Variants in KIAA0753 observed in about 807,000 individuals in gnomAD.
The protein encoded by KIAA0753 is protein moonraker.
Under a neutral mutation model 116.9 loss-of-function variants are expected in KIAA0753, and 114 were observed. That is an observed-to-expected ratio of 0.98 (90% CI 0.84 to 1.14). The LOEUF is 1.14. KIAA0753 is among the 50% of genes most tolerant of loss of function. The probability of loss-of-function intolerance (pLI) is 0.00; values close to 1 mark genes in which losing one functional copy is unlikely to be tolerated. For synonymous variants in KIAA0753, 405 were observed against 413.1 expected (o/e 0.98, Z 0.24); for missense variants, 1,156 against 1,172.4 (o/e 0.99, Z 0.20).
chr17:6,612,921 A>G lies in KIAA0753; in HGVS notation c.1316-773T>C, dbSNP rs1209234928. 5.3e-5 allele frequency among the ~76,000 whole-genome samples: 8 copies of G among 152,178 alleles called. No homozygotes were observed. In the East Asian group the frequency reaches 1.3e-3, roughly 26 times the overall value. ...ACATAAATAAATAAATGTCACTTCT[A>G]TACTCAAACCCTTCAATGGGTCCTA... On this transcript the variant is annotated intron_variant, in intron 7 of 18. Transcript: ENST00000361413.
intron 7 of KIAA0753, among the ~76,000 whole-genome samples, chr17:6,619,281 G>A (rs879878107): frequency 4.6e-5 from 7 of 152,064 alleles, no homozygotes; most frequent in African/African-American, 7.2e-5. Flanking sequence ...GATAAACATT[G>A]GAAGGGGTAA....
intron 4 of KIAA0753, chr17:6,624,148 T>C (rs1044073611): frequency 1.3e-5 from 2 of 152,554 alleles, no homozygotes; most frequent in African/African-American, 4.8e-5. Context: ...CTTACTAATG[T>C]ATAAGGCATG....
chr17:6,617,791 C>T (rs575487805), intron 7 of KIAA0753, among the ~76,000 whole-genome samples: 1 of 152,312 alleles, frequency 6.6e-6, no homozygotes, highest in South Asian at 2.1e-4. Flanking sequence ...CATGCCTATG[C>T]GATGAAGCCT....
rs149439809 is a variant in KIAA0753, at chr17:6,592,232, C to A, written c.2441-1602G>T. ...ACACATTAGTGTTTTGTTGAGATGG[C>A]CCATCTTTTGGTCAAAATTTGAGAG... On this transcript the variant is annotated intron_variant, in intron 16 of 18. Coordinates refer to ENST00000361413, the MANE Select transcript of KIAA0753 (RefSeq NM_014804.3). 1.1e-3 allele frequency among the ~76,000 whole-genome samples: 175 copies of A among 152,268 alleles called. 1 individual carries two copies. The highest frequency in any genetic ancestry group is 4.0e-3 in the African/African-American group (168 of 41,554).
intron 8 of KIAA0753, among the ~76,000 whole-genome samples, chr17:6,611,115 T>A (rs1970510046): frequency 6.6e-6 from 1 of 152,222 alleles, no homozygotes; most frequent in East Asian, 1.9e-4. Context: ...CAGGAGGTGG[T>A]CTTTTGGCCA....
intron 11 of KIAA0753, 88 bp from the exon 12 acceptor site, chr17:6,607,050 T>A: frequency 6.9e-7 from 1 of 1,442,168 alleles, no homozygotes; most frequent in Non-Finnish European, 9.7e-7. Context: ...CCCCCTTGGC[T>A]TCTTAAGTGA....
Position 6,579,498 on chromosome 17 carries a change from C to T in KIAA0753, c.*249G>A. The T allele has an allele frequency of 5.0e-6, 2 of 403,928 alleles. No homozygotes were observed. Among genetic ancestry groups the T allele is most frequent in the South Asian group, 4.9e-5 (1 of 20,478 alleles). The allele number at this position is 403,928 out of a possible 1,614,324, so 25.0% of individuals were successfully genotyped here. A position where few individuals can be genotyped will look rare whatever the true frequency, so the allele number is the denominator to read the frequency against. On this transcript the variant is annotated 3_prime_UTR_variant, in exon 19 of 19. Coordinates refer to ENST00000361413, the MANE Select transcript of KIAA0753 (RefSeq NM_014804.3). ...AAAAGTACACATTCTGAAAATATTG[C>T]CATAATCAAGTTGTGTTGCCTGGGC...
At chr17:6,624,679 C>CA in intron 4 of KIAA0753, 76 bp downstream of exon 4, 1 of 989,734 alleles carries the variant, frequency 1.0e-6, no homozygotes, top group Non-Finnish European at 1.6e-6. Context: ...CTTTCTGAGA[C>CA]AAAAGGAAAA....
intron 2 of KIAA0753, among the ~76,000 whole-genome samples, chr17:6,633,000 T>C (rs1055024042): frequency 6.6e-6 from 1 of 152,118 alleles, no homozygotes; most frequent in African/African-American, 2.4e-5. Context: ...ACTAACAAAA[T>C]CTCAGTAAGG....
intron 18 of KIAA0753, among the ~76,000 whole-genome samples, chr17:6,581,822 G>A (rs192450545): frequency 9.3e-4 from 141 of 152,230 alleles, no homozygotes; most frequent in Middle Eastern, 3.4e-3. Flanking sequence ...GTGAACTCTC[G>A]ACATGTCCCC....
chr17:6,587,006 G>A lies in KIAA0753; in HGVS notation c.2786+2773C>T, dbSNP rs535675981. ...TCCCAGCACTTTGAGAGGCTGAGGC[G>A]GGTGGATCACCTGAGGTTATGAGTT... On this transcript the variant is annotated intron_variant, in intron 18 of 18. Transcript: ENST00000361413. 1.9e-3 allele frequency among the ~76,000 whole-genome samples: 286 copies of A among 152,188 alleles called. 4 individuals carry two copies. Among genetic ancestry groups the A allele is most frequent in the South Asian group, 0.017 (81 of 4,820 alleles).
intron 16 of KIAA0753, 26 bp from the exon 17 acceptor site, chr17:6,590,656 C>T: frequency 6.2e-7 from 1 of 1,612,252 alleles, no homozygotes; most frequent in Non-Finnish European, 8.5e-7. Context: ...CATAAAATGA[C>T]TGCATATAAA....
chr17:6,593,190 G>T (rs914508480), intron 16 of KIAA0753, among the ~76,000 whole-genome samples: 1 of 152,202 alleles, frequency 6.6e-6, no homozygotes, highest in Non-Finnish European at 1.5e-5. Flanking sequence ...AAAAAAAACT[G>T]ACAAAAGATT....
At chr17:6,600,345 A>G (rs776697531) in intron 13 of KIAA0753, 35 bp downstream of exon 13, 2 of 1,557,202 alleles carry the variant, frequency 1.3e-6, no homozygotes, top group Middle Eastern at 3.4e-4. Flanking sequence ...AGGACTTCCA[A>G]AAAGCAAGCA....
chr17:6,592,476 G>A (rs1207051012), intron 16 of KIAA0753, among the ~76,000 whole-genome samples: 7 of 152,146 alleles, frequency 4.6e-5, no homozygotes, highest in Admixed American at 2.0e-4. Flanking sequence ...AACAGAATTT[G>A]AGTAACGTTT....
At chr17:6,588,770 G>A (rs1195902680) in intron 18 of KIAA0753, among the ~76,000 whole-genome samples, 3 of 151,968 alleles carry the variant, frequency 2.0e-5, no homozygotes, top group Non-Finnish European at 4.4e-5. Context: ...TGTTTAAAAA[G>A]AATAGATTTA....
chr17:6,608,577 A>T, intron 9 of KIAA0753, 113 bp from the exon 10 acceptor site: 1 of 500,268 alleles, frequency 2.0e-6, no homozygotes, highest in Non-Finnish European at 3.5e-6. Context: ...GGTGATCTGT[A>T]GCACGGGGCC....
At chr17:6,636,120 G>C (rs1972306296) in intron 1 of KIAA0753, 1 of 151,982 alleles carries the variant, frequency 6.6e-6, no homozygotes, top group South Asian at 2.1e-4. Flanking sequence ...GAAATTCAAG[G>C]TTTTTTTAAA....
chr17:6,609,089 T>C (rs1970373191), intron 9 of KIAA0753, among the ~76,000 whole-genome samples: 2 of 152,238 alleles, frequency 1.3e-5, no homozygotes, highest in South Asian at 4.1e-4. Context: ...CTCTAAACAT[T>C]GTTTCCTTAA....
Sources: gnomAD v4.1 joint callset for allele counts (sites outside exome capture counted in the v4.1 genomes callset) on GRCh38, gnomAD v4.1.1 for gene constraint, MANE v1.5 for transcripts, NCBI Gene and HGNC (gene_info 2026-07-23, HGNC 2026-07-21) for gene names.